KLHL13: variants seen among roughly 807,000 people sequenced by gnomAD.
The protein encoded by KLHL13 is kelch like family member 13.
In KLHL13, 10 loss-of-function variants were observed where a neutral mutation model predicts 37.1. The observed-to-expected ratio is 0.27, with a 90% CI of 0.17 to 0.46. KLHL13 has a LOEUF of 0.46. Ranked by LOEUF, KLHL13 falls within the 20% of genes least tolerant of loss-of-function variation. The pLI is 1.00. For synonymous variants in KLHL13, 163 were observed against 181.2 expected, an observed-to-expected ratio of 0.90 and a Z score of 0.81; for missense variants, 360 against 509.3, an observed-to-expected ratio of 0.71 and a Z score of 2.82.
intron 2 of KLHL13, among the ~76,000 whole-genome samples, chrX:117,925,741 A>G (rs1931973356): frequency 8.9e-6 from 1 of 112,093 alleles, no homozygotes; most frequent in African/African-American, 3.2e-5. Context: ...AGTTCCCTAT[A>G]TACTCTGACC....
At chrX:117,903,089 T>C (rs1259158763) in intron 5 of KLHL13, among the ~76,000 whole-genome samples, 1 of 107,020 alleles carries the variant, frequency 9.3e-6, no homozygotes, top group Non-Finnish European at 1.9e-5. Context: ...AATCAACCTT[T>C]GAATGAGATT....
chrX:118,014,259 C>A (rs1253667171), intron 1 of KLHL13, among the ~76,000 whole-genome samples: 1 of 110,999 alleles, frequency 9.0e-6, no homozygotes, highest in Non-Finnish European at 1.9e-5. Context: ...TAATTGGGAC[C>A]CTGGGGAAGA....
intron 1 of KLHL13, among the ~76,000 whole-genome samples, chrX:117,961,685 C>T (rs1014176341): frequency 9.0e-6 from 1 of 110,853 alleles, no homozygotes; most frequent in African/African-American, 3.3e-5. Flanking sequence ...CTGGCCTTAA[C>T]GAGGGAGGAA....
At chrX:118,062,788 C>T (rs1204208947) in intron 1 of KLHL13, among the ~76,000 whole-genome samples, 1 of 110,943 alleles carries the variant, frequency 9.0e-6, no homozygotes, top group South Asian at 3.8e-4. Flanking sequence ...GTAAGGTCAA[C>T]GTCTGACAGG....
chrX:118,106,002 C>T (rs1013111768), intron 1 of KLHL13, among the ~76,000 whole-genome samples: 27 of 101,761 alleles, frequency 2.7e-4, no homozygotes, highest in African/African-American at 9.8e-4. Flanking sequence ...CCCAGGTTCA[C>T]GCCATTCTCC....
At chrX:117,960,872 G>T (rs751984095) in intron 1 of KLHL13, among the ~76,000 whole-genome samples, 1 of 111,868 alleles carries the variant, frequency 8.9e-6, no homozygotes, top group East Asian at 2.8e-4. Flanking sequence ...TATTCTGAAT[G>T]ATTCCGCTTG....
At chrX:118,064,451 T>TG (rs1211198691) in intron 1 of KLHL13, among the ~76,000 whole-genome samples, 1 of 111,583 alleles carries the variant, frequency 9.0e-6, no homozygotes, top group Admixed American at 9.5e-5. Flanking sequence ...CTCTCCAAAC[T>TG]GAAGAAGCCA....
intron 1 of KLHL13, among the ~76,000 whole-genome samples, chrX:118,076,035 ACAGAC>A (rs1486245514): frequency 8.9e-6 from 1 of 111,980 alleles, no homozygotes; most frequent in African/African-American, 3.2e-5. Flanking sequence ...CATAGGCAGA[ACAGAC>A]CAGTTTCTAA....
chrX:117,980,580 T>G (rs751964763), intron 1 of KLHL13, among the ~76,000 whole-genome samples: 116 of 111,578 alleles, frequency 1.0e-3, no homozygotes, highest in African/African-American at 3.6e-3. Context: ...ACTTATAGAG[T>G]AATCAAAATA....
upstream of KLHL13, among the ~76,000 whole-genome samples, chrX:117,975,558 T>A (rs1241760784): frequency 9.0e-6 from 1 of 111,708 alleles, no homozygotes; most frequent in Non-Finnish European, 1.9e-5. Context: ...GCCTGGCTAA[T>A]TTTTGTATTT....
At chrX:117,983,878 T>C (rs2053693800) in intron 1 of KLHL13, among the ~76,000 whole-genome samples, 1 of 111,455 alleles carries the variant, frequency 9.0e-6, no homozygotes, top group Non-Finnish European at 1.9e-5. Flanking sequence ...GAGACACTTT[T>C]CCAGTAAATA....
intron 1 of KLHL13, among the ~76,000 whole-genome samples, chrX:117,971,107 T>C (rs1039337326): frequency 1.8e-5 from 2 of 111,639 alleles, no homozygotes; most frequent in African/African-American, 6.5e-5. Context: ...TCTGAGCTTG[T>C]GGCTGGCATG....
At chrX:118,089,620 G>GAGAAAGAA (rs3046168) in intron 1 of KLHL13, among the ~76,000 whole-genome samples, 8,674 of 71,692 alleles carry the variant, frequency 0.12, 603 homozygotes, top group East Asian at 0.15. Flanking sequence ...GAGAAAGAAA[G>GAGAAAGAA]AGAAAGAAAG....
chrX:118,092,793 T>G (rs2055152644), intron 1 of KLHL13, among the ~76,000 whole-genome samples: 1 of 111,690 alleles, frequency 9.0e-6, no homozygotes, highest in African/African-American at 3.2e-5. Context: ...ATTGTACCAA[T>G]ATCAATTTCT....
At position 117,981,897 on chromosome X, in the gene KLHL13, A is replaced by G. The variant is rs573122205; in HGVS notation, c.-55-36322T>C. On this transcript the variant is annotated intron_variant, in intron 1 of 6. Coordinates refer to the KLHL13 transcript ENST00000371882. ...CTTTCACATCTGTCAACTAAAATAC[A>G]GTTATTTCAACTGAAAACTTCTTAG... Among the ~76,000 whole-genome samples the G allele has an allele frequency of 3.6e-5, 4 of 111,335 alleles. No homozygotes were observed. In the Admixed American group the frequency reaches 3.9e-4, roughly 11 times the overall value.
At chrX:117,978,715 T>C (rs1000388611), upstream of KLHL13, among the ~76,000 whole-genome samples, 8 of 109,927 alleles carry the variant, frequency 7.3e-5, no homozygotes, top group African/African-American at 2.6e-4. Context: ...GGAGTAACAC[T>C]GAATGGGAAA....
intron 1 of KLHL13, among the ~76,000 whole-genome samples, chrX:118,050,610 T>C (rs1349728000): frequency 9.0e-6 from 1 of 111,553 alleles, no homozygotes; most frequent in Non-Finnish European, 1.9e-5. Flanking sequence ...CTCTCTGATT[T>C]ACTTTTTCCT....
intron 1 of KLHL13, among the ~76,000 whole-genome samples, chrX:118,088,313 G>A (rs777178590): frequency 1.1e-4 from 12 of 111,392 alleles, no homozygotes; most frequent in Non-Finnish European, 1.9e-4. Context: ...CTAGTTAACC[G>A]GTACTGCAAT....
intron 1 of KLHL13, among the ~76,000 whole-genome samples, chrX:117,966,008 CCT>C (rs1179931419): frequency 2.7e-4 from 30 of 111,437 alleles, no homozygotes; most frequent in Admixed American, 2.6e-3. Flanking sequence ...ACAGGGATGC[CCT>C]CTCTCACCAC....
Sources: allele counts gnomAD v4.1 joint callset (sites outside exome capture counted in the v4.1 genomes callset), GRCh38; gene constraint gnomAD v4.1.1; transcripts MANE v1.5; gene names NCBI Gene and HGNC (gene_info 2026-07-23, HGNC 2026-07-21).